Variants in MAP4K3 observed in about 807,000 individuals in gnomAD.
MAP4K3 encodes the protein mitogen-activated protein kinase kinase kinase kinase 3, also known as MAPK/ERK kinase kinase kinase 3.
MAP4K3 carries 94 observed loss-of-function variants against 143.5 expected under a neutral mutation model. The observed-to-expected ratio is 0.65, with a 90% CI of 0.55 to 0.78. MAP4K3 has a LOEUF of 0.78. Ranked by LOEUF, MAP4K3 falls within the 30% of genes least tolerant of loss-of-function variation. The pLI is 0.00. For missense variants in MAP4K3, 1,077 were observed against 1,068.1 expected (o/e 1.01, Z -0.12); for synonymous variants, 416 against 347.2 (o/e 1.20, Z -2.20).
At chr2:39,397,701 A>C (rs1666846057) in intron 1 of MAP4K3, among the ~76,000 whole-genome samples, 1 of 152,230 alleles carries the variant, frequency 6.6e-6, no homozygotes, top group African/African-American at 2.4e-5. Flanking sequence ...CAGCTCTAAC[A>C]ATATAACTTT....
chr2:39,419,457 G>A (rs1366492569), intron 1 of MAP4K3, among the ~76,000 whole-genome samples: 1 of 152,020 alleles, frequency 6.6e-6, no homozygotes, highest in African/African-American at 2.4e-5. Context: ...TTCAAATATT[G>A]CATCATAGCG....
At chr2:39,369,856 T>A (rs1666032922) in intron 2 of MAP4K3, among the ~76,000 whole-genome samples, 1 of 152,208 alleles carries the variant, frequency 6.6e-6, no homozygotes, top group Non-Finnish European at 1.5e-5. Context: ...CAGTGACCCA[T>A]GAATTAAGTC....
chr2:39,343,943 C>A (rs1665212121), intron 3 of MAP4K3, among the ~76,000 whole-genome samples: 1 of 152,140 alleles, frequency 6.6e-6, no homozygotes, highest in Non-Finnish European at 1.5e-5. Flanking sequence ...CTCTCATACT[C>A]AAATTATAAG....
chr2:39,349,768 G>C (rs1665397984), intron 3 of MAP4K3, among the ~76,000 whole-genome samples: 1 of 151,902 alleles, frequency 6.6e-6, no homozygotes, highest in East Asian at 1.9e-4. Flanking sequence ...GGAGGAGATG[G>C]AGGAGAAAGA....
At chr2:39,260,942 G>T in intron 28 of MAP4K3, 165 bp from the exon 29 acceptor site, 2 of 552,486 alleles carry the variant, frequency 3.6e-6, no homozygotes, top group Non-Finnish European at 6.3e-6. Flanking sequence ...AAACATTTTA[G>T]GTTTACCACC....
chr2:39,371,422 T>C (rs1558671454), intron 2 of MAP4K3, among the ~76,000 whole-genome samples: 1 of 152,196 alleles, frequency 6.6e-6, no homozygotes, highest in East Asian at 1.9e-4. Context: ...TGCTTCTCTA[T>C]GTCAAAGTGA....
chr2:39,292,740 TTTC>T, intron 18 of MAP4K3, 30 bp downstream of exon 18: 1 of 1,591,184 alleles, frequency 6.3e-7, no homozygotes, highest in Non-Finnish European at 8.6e-7. Flanking sequence ...AATGACACCT[TTTC>T]TTTTTACCAA....
rs56011585 is a variant in MAP4K3, at chr2:39,386,820, C to CTTTTTTTTTTTTTTTTTTTTT, written c.97-8698_97-8697insAAAAAAAAAAAAAAAAAAAAA. Among the ~76,000 whole-genome samples, 8 of 139,150 alleles carry CTTTTTTTTTTTTTTTTTTTTT rather than the reference C, an allele frequency of 5.7e-5. 1 individual carries two copies. Among genetic ancestry groups the CTTTTTTTTTTTTTTTTTTTTT allele is most frequent in the African/African-American group, 2.2e-4 (8 of 36,290 alleles). The allele number at this position is 139,150 out of a possible 152,430, so 91.3% of individuals were successfully genotyped here. A position where few individuals can be genotyped will look rare whatever the true frequency, so the allele number is the denominator to read the frequency against. On this transcript the variant is annotated intron_variant, in intron 1 of 33. Coordinates refer to ENST00000263881, the MANE Select transcript of MAP4K3 (RefSeq NM_003618.4). Reference sequence around the variant, plus strand: ...GATTAGTGTAATTTTTTTTGTTGTTCTTTTTTTTTTTTTGAGACGGAGTCT... The same window carrying CTTTTTTTTTTTTTTTTTTTTT: ...GATTAGTGTAATTTTTTTTGTTGTTCTTTTTTTTTTTTTTTTTTTTTTTTTTTTTTTTTTGAGACGGAGTCT...
At chr2:39,292,327 G>T (rs940951732) in intron 18 of MAP4K3, among the ~76,000 whole-genome samples, 2 of 152,136 alleles carry the variant, frequency 1.3e-5, no homozygotes, top group East Asian at 3.9e-4. Context: ...TTAGAGATGG[G>T]TTTTTAGGAA....
chr2:39,404,540 T>C (rs1390349700), intron 1 of MAP4K3, among the ~76,000 whole-genome samples: 2 of 151,892 alleles, frequency 1.3e-5, no homozygotes, highest in African/African-American at 4.8e-5. Flanking sequence ...GCTTCATGGT[T>C]TGAGTACCAG....
intron 21 of MAP4K3, among the ~76,000 whole-genome samples, chr2:39,285,200 A>G (rs1681717125): frequency 6.6e-6 from 1 of 152,230 alleles, no homozygotes. Context: ...TTCAAGAATT[A>G]CAGCATAAAC....
chr2:39,356,151 A>G, intron 3 of MAP4K3, 98 bp downstream of exon 3: 1 of 699,264 alleles, frequency 1.4e-6, no homozygotes, highest in East Asian at 2.8e-5. Flanking sequence ...AGCATGAAGA[A>G]AAACTACAAA....
At chr2:39,271,073 C>T (rs1232864188) in intron 26 of MAP4K3, among the ~76,000 whole-genome samples, 1 of 151,922 alleles carries the variant, frequency 6.6e-6, no homozygotes, top group African/African-American at 2.4e-5. Context: ...TCCAAGGTCC[C>T]ATATCTAGTA....
At chr2:39,326,086 ACAG>A in intron 9 of MAP4K3, 57 bp downstream of exon 9, 1 of 1,575,882 alleles carries the variant, frequency 6.3e-7, no homozygotes, top group Non-Finnish European at 8.6e-7. Flanking sequence ...CTTGTTCATG[ACAG>A]CATACTAAGA....
intron 2 of MAP4K3, among the ~76,000 whole-genome samples, chr2:39,367,351 G>A (rs1665950391): frequency 6.6e-6 from 1 of 152,062 alleles, no homozygotes; most frequent in African/African-American, 2.4e-5. Context: ...AGACTAGCCT[G>A]GGCAACATGG....
At chr2:39,423,002 G>A (rs1423657729) in intron 1 of MAP4K3, among the ~76,000 whole-genome samples, 1 of 151,804 alleles carries the variant, frequency 6.6e-6, no homozygotes, top group Admixed American at 6.6e-5. Context: ...GCCACACACT[G>A]GGAAAAAATA....
intron 15 of MAP4K3, among the ~76,000 whole-genome samples, chr2:39,300,650 T>C (rs753404121): frequency 4.6e-5 from 7 of 152,356 alleles, no homozygotes; most frequent in Non-Finnish European, 7.3e-5. Flanking sequence ...CATTAGAATA[T>C]AGCATATTTA....
At chr2:39,284,800 C>T (rs1476915068) in intron 21 of MAP4K3, among the ~76,000 whole-genome samples, 1 of 151,524 alleles carries the variant, frequency 6.6e-6, no homozygotes, top group Admixed American at 6.6e-5. Flanking sequence ...GCCAAAATTG[C>T]GCCACTGCAC....
chr2:39,278,256 G>T lies in MAP4K3; in HGVS notation c.1794+151C>A, dbSNP rs1681360123. The stretch of plus-strand genomic sequence containing the variant: ...CACTGCACTGCAGCCTGGGCAACAA[G>T]AGTGAGACTTGGTCTCAAAAAACAA... On this transcript the variant is annotated intron_variant, in intron 24 of 33. Transcript: ENST00000263881. 1.6e-5 allele frequency: 8 copies of T among 509,616 alleles called. No homozygotes were observed. In the South Asian group the frequency reaches 2.3e-4, roughly 15 times the overall value. 31.6% of individuals were successfully genotyped at this position (509,616 alleles called of 1,614,324 possible). A position where few individuals can be genotyped will look rare whatever the true frequency, so the allele number is the denominator to read the frequency against.
Sources: gnomAD v4.1 joint callset for allele counts (sites outside exome capture counted in the v4.1 genomes callset) on GRCh38, gnomAD v4.1.1 for gene constraint, MANE v1.5 for transcripts, NCBI Gene and HGNC (gene_info 2026-07-23, HGNC 2026-07-21) for gene names.